SMYD4: variants seen among roughly 807,000 people sequenced by gnomAD.
SMYD4 encodes SET and MYND domain containing 4, also known as protein-lysine N-methyltransferase SMYD4.
SMYD4 carries 68 observed loss-of-function variants against 72.8 expected under a neutral mutation model. The observed-to-expected ratio is 0.93, with a 90% CI of 0.77 to 1.14. The LOEUF is 1.14. Ranked by LOEUF, SMYD4 falls within the 50% of genes most tolerant of loss-of-function variation. The pLI, the probability that SMYD4 is intolerant of heterozygous loss-of-function variation, is 0.00. For synonymous variants in SMYD4, 407 were observed against 388.6 expected, an observed-to-expected ratio of 1.05 and a Z score of -0.56; for missense variants, 984 against 1,003.7, an observed-to-expected ratio of 0.98 and a Z score of 0.27.
rs1909656272 is a variant in SMYD4, at chr17:1,800,383, C to T, written c.1011G>A (p.Leu337=). Residue 337 remains leucine (L), a synonymous_variant, in exon 5 of 11, where the codon CTG becomes CTA. Transcript: ENST00000305513. ...CACCCAGTGTGAGAAGCAGCCCTCCCAGAGGACATTCTGTCCTGTGGTAGA... is the reference window on the plus strand; with the variant it reads ...CACCCAGTGTGAGAAGCAGCCCTCCTAGAGGACATTCTGTCCTGTGGTAGA... ...WELYHRTECP[L]GGLLLTLGVF... is the part of the protein sequence containing the mutation. The T allele has an allele frequency of 6.2e-7, 1 of 1,614,176 alleles. No individual in the cohort carries two copies. The highest frequency in any genetic ancestry group is 8.5e-7 in the Non-Finnish European group (1 of 1,180,038).
At chr17:1,788,710 C>G (rs988693122) in intron 5 of SMYD4, among the ~76,000 whole-genome samples, 8 of 151,986 alleles carry the variant, frequency 5.3e-5, no homozygotes, top group Admixed American at 2.0e-4. Context: ...CTGCTGCACT[C>G]CAGCCTAGAC....
intron 5 of SMYD4, among the ~76,000 whole-genome samples, chr17:1,792,167 A>T (rs985622172): frequency 6.6e-6 from 1 of 151,624 alleles, no homozygotes. Flanking sequence ...CTCAGCCTCC[A>T]GAGTAGCTGG....
intron 2 of SMYD4, among the ~76,000 whole-genome samples, chr17:1,812,946 T>TTTG (rs1910413642): frequency 2.0e-5 from 1 of 49,390 alleles, no homozygotes; most frequent in Non-Finnish European, 5.5e-5. Flanking sequence ...CATAAAAGAT[T>TTTG]TTTTTTTTTT....
At chr17:1,809,683 T>C (rs1291080511) in intron 3 of SMYD4, among the ~76,000 whole-genome samples, 1 of 73,872 alleles carries the variant, frequency 1.4e-5, no homozygotes, top group Non-Finnish European at 3.5e-5. Context: ...CCTATTATTA[T>C]TGTTTTGAGA....
chr17:1,784,491 A>G (rs1222364994), intron 7 of SMYD4, 30 bp from the exon 8 acceptor site: 11 of 1,613,188 alleles, frequency 6.8e-6, no homozygotes, highest in Admixed American at 1.7e-5. Flanking sequence ...CTTTATTCCA[A>G]TGCCAGGGTC....
intron 2 of SMYD4, among the ~76,000 whole-genome samples, chr17:1,813,904 T>C (rs931265084): frequency 2.0e-5 from 3 of 152,204 alleles, no homozygotes; most frequent in Admixed American, 2.0e-4. Flanking sequence ...CCTAGACTAT[T>C]CTCTTTGACT....
At chr17:1,784,919 A>G (rs371937228) in intron 7 of SMYD4, among the ~76,000 whole-genome samples, 13 of 148,534 alleles carry the variant, frequency 8.8e-5, no homozygotes, top group Admixed American at 6.7e-4. Context: ...ACAGGTGCCC[A>G]CCACCAAGCC....
In SMYD4 at chr17:1,794,041, G is replaced by A. The variant is rs80242312; in HGVS notation, c.1537+5816C>T. Reference sequence around the variant, plus strand: ...TATATGTGTGTATATATATATGTATGTATATATATATGTGTGTATATATAT... The same window carrying A: ...TATATGTGTGTATATATATATGTATATATATATATATGTGTGTATATATAT... On this transcript the variant is annotated intron_variant, in intron 5 of 10. Transcript: ENST00000305513. Among the ~76,000 whole-genome samples, 219 of 31,356 alleles carry A rather than the reference G, an allele frequency of 7.0e-3. 5 individuals carry two copies. Among genetic ancestry groups the A allele is most frequent in the African/African-American group, 0.018 (201 of 11,338 alleles). 20.6% of individuals were successfully genotyped at this position (31,356 alleles called of 152,430 possible). A position where few individuals can be genotyped will look rare whatever the true frequency, so the allele number is the denominator to read the frequency against.
rs146378348 is a variant in SMYD4 at position 1,796,384 on chromosome 17, C to A, written c.1537+3473G>T. On this transcript the variant is annotated intron_variant, in intron 5 of 10. Coordinates refer to ENST00000305513, the MANE Select transcript of SMYD4 (RefSeq NM_052928.3). ...TTCCTGGGCTCAAGCAATCCGCCCA[C>A]CTCAGCCTCCCAAAATGCTGAGGTT... Among the ~76,000 whole-genome samples, 1,178 of 150,962 alleles carry A rather than the reference C, an allele frequency of 7.8e-3. 11 individuals carry two copies. Among genetic ancestry groups the A allele is most frequent in the South Asian group, 0.014 (67 of 4,740 alleles).
intron 2 of SMYD4, among the ~76,000 whole-genome samples, chr17:1,819,616 A>G (rs1910794561): frequency 6.6e-6 from 1 of 152,134 alleles, no homozygotes; most frequent in Non-Finnish European, 1.5e-5. Context: ...ATCTACTGAT[A>G]ATTGCCAGAA....
rs1909482298 is a variant in SMYD4, at chr17:1,797,771, G to A, written c.1537+2086C>T. ...AATCCCAGCACTTTGGGAGGCCAAG[G>A]TGGGTGGCTCACCTGAGGTCAGGAG... is the stretch of plus-strand genomic sequence containing the variant. On this transcript the variant is annotated intron_variant, in intron 5 of 10. Transcript: ENST00000305513. Among the ~76,000 whole-genome samples the A allele has an allele frequency of 3.9e-5, 6 of 152,064 alleles. No homozygotes were observed. The South Asian group carries it at 1.2e-3, about 32-fold the overall frequency.
intron 2 of SMYD4, among the ~76,000 whole-genome samples, chr17:1,813,921 C>T (rs1910456902): frequency 1.3e-5 from 2 of 151,980 alleles, no homozygotes; most frequent in African/African-American, 4.8e-5. Flanking sequence ...GACTATAATG[C>T]CATAAAGTAA....
chr17:1,790,378 C>A (rs1908955309), intron 5 of SMYD4, among the ~76,000 whole-genome samples: 1 of 152,224 alleles, frequency 6.6e-6, no homozygotes, highest in Middle Eastern at 3.4e-3. Context: ...CATTAATCAT[C>A]TATTAGTAGA....
At chr17:1,794,354 T>C (rs1395813394) in intron 5 of SMYD4, among the ~76,000 whole-genome samples, 2 of 149,900 alleles carry the variant, frequency 1.3e-5, no homozygotes, top group African/African-American at 4.9e-5. Context: ...CTCCTGACCT[T>C]GTGATCCACC....
intron 3 of SMYD4, among the ~76,000 whole-genome samples, chr17:1,809,288 G>A (rs1910199680): frequency 6.6e-6 from 1 of 152,122 alleles, no homozygotes; most frequent in Non-Finnish European, 1.5e-5. Flanking sequence ...GCTACGGAAG[G>A]AAGTTGCTCA....
intron 3 of SMYD4, 109 bp downstream of exon 3, chr17:1,811,862 T>C (rs1910344208): frequency 1.6e-6 from 2 of 1,218,592 alleles, no homozygotes; most frequent in South Asian, 1.6e-5. Context: ...AGGAGGCGAA[T>C]GTTGCAGTGA....
rs1909941607 is a variant in SMYD4 at position 1,804,613 on chromosome 17, TC to T, written c.369+12del. On this transcript the variant is annotated intron_variant, in intron 4 of 10. Coordinates refer to ENST00000305513, the MANE Select transcript of SMYD4 (RefSeq NM_052928.3). ...GGATCCTGTCCTCTCATACCAGGTA[TC>T]CTGATACTCACCTCATACTGACCCA... The T allele has an allele frequency of 6.2e-7, 1 of 1,612,490 alleles. No individual in the cohort carries two copies. Among genetic ancestry groups the T allele is most frequent in the Non-Finnish European group, 8.5e-7 (1 of 1,178,748 alleles).
Position 1,800,209 on chromosome 17 carries a change from T to C in SMYD4, c.1185A>G (p.Leu395=). The change falls in exon 5 of 11, where the codon CTA becomes CTG. Residue 395 remains leucine (L), a synonymous_variant. Transcript: ENST00000305513. The part of the protein sequence containing the change: ...NNQVKTLNYG[L]GESEKNGNIV... ...TGTTGCCATTTTTCTCACTCTCCCC[T>C]AGGCCATAATTAAGTGTCTTGACCT... is the stretch of plus-strand genomic sequence containing the variant. 2 of 1,613,810 alleles carry C rather than the reference T, an allele frequency of 1.2e-6. No homozygotes were observed. Among genetic ancestry groups the C allele is most frequent in the Non-Finnish European group, 1.7e-6 (2 of 1,179,728 alleles).
Position 1,800,227 on chromosome 17 carries a change from C to T in SMYD4, c.1167G>A (p.Lys389=). The T allele has an allele frequency of 6.2e-7, 1 of 1,614,152 alleles. No individual in the cohort carries two copies. Among genetic ancestry groups the T allele is most frequent in the South Asian group, 1.1e-5 (1 of 91,076 alleles). The change falls in exon 5 of 11, where the codon AAG becomes AAA. Residue 389 remains lysine (K), a synonymous_variant. Coordinates refer to ENST00000305513, the MANE Select transcript of SMYD4 (RefSeq NM_052928.3). ...ICLPESNNQV[K]TLNYGLGESE... ...TCTCCCCTAGGCCATAATTAAGTGTCTTGACCTGATTGTTGCTTTCAGGTA... is the reference window on the plus strand; with the variant it reads ...TCTCCCCTAGGCCATAATTAAGTGTTTTGACCTGATTGTTGCTTTCAGGTA...
Sources: allele counts gnomAD v4.1 joint callset (sites outside exome capture counted in the v4.1 genomes callset), GRCh38; gene constraint gnomAD v4.1.1; transcripts MANE v1.5; gene names NCBI Gene and HGNC (gene_info 2026-07-23, HGNC 2026-07-21).